The following PTPN14 variants were observed in gnomAD, a reference collection of about 807,000 sequenced individuals.
The protein encoded by PTPN14 is tyrosine-protein phosphatase non-receptor type 14.
Under a neutral mutation model 126.8 loss-of-function variants are expected in PTPN14, and 53 were observed. The ratio of observed to expected loss-of-function variants is 0.42; its 90% confidence interval spans 0.34 to 0.53. PTPN14 has a LOEUF of 0.53. PTPN14 is among the 20% of genes least tolerant of loss of function. The probability of loss-of-function intolerance (pLI) is 0.08; values close to 1 mark genes in which losing one functional copy is unlikely to be tolerated. For missense variants in PTPN14, 1,257 were observed against 1,552.9 expected (o/e 0.81, Z 3.20); for synonymous variants, 630 against 599.3 (o/e 1.05, Z -0.75).
At chr1:214,523,471 C>CT (rs761885915) in intron 1 of PTPN14, among the ~76,000 whole-genome samples, 4 of 152,204 alleles carry the variant, frequency 2.6e-5, no homozygotes, top group Non-Finnish European at 5.9e-5. Flanking sequence ...CAGTAACATG[C>CT]TATACAGGTC....
chr1:214,481,511 CAA>C (rs371949252), intron 1 of PTPN14, among the ~76,000 whole-genome samples: 3 of 67,456 alleles, frequency 4.4e-5, no homozygotes, highest in South Asian at 6.5e-4. Flanking sequence ...AACTCCCGCT[CAA>C]AAAAAAAAAA....
intron 17 of PTPN14, among the ~76,000 whole-genome samples, chr1:214,366,229 T>G (rs1558070600): frequency 6.6e-6 from 1 of 151,454 alleles, no homozygotes; most frequent in African/African-American, 2.4e-5. Context: ...ATAGAGGGAG[T>G]AGTTACTATT....
intron 7 of PTPN14, among the ~76,000 whole-genome samples, 161 bp downstream of exon 7, chr1:214,401,524 G>C (rs1411291438): frequency 1.3e-5 from 2 of 152,186 alleles, no homozygotes; most frequent in Non-Finnish European, 2.9e-5. Flanking sequence ...TCTTGGTTAA[G>C]AAAAAGCATT....
chr1:214,538,862 T>G (rs1320142682), intron 1 of PTPN14, among the ~76,000 whole-genome samples: 2 of 152,204 alleles, frequency 1.3e-5, no homozygotes, highest in African/African-American at 2.4e-5. Context: ...TATCTGAATT[T>G]TTCTTTGAAG....
intron 14 of PTPN14, among the ~76,000 whole-genome samples, chr1:214,377,027 A>G (rs143927818): frequency 1.3e-5 from 2 of 152,320 alleles, no homozygotes; most frequent in East Asian, 3.9e-4. Flanking sequence ...TCTGACAGCA[A>G]TTTCGGGAAC....
chr1:214,499,481 G>C (rs532133272), intron 1 of PTPN14, among the ~76,000 whole-genome samples: 6 of 152,220 alleles, frequency 3.9e-5, no homozygotes, highest in African/African-American at 1.4e-4. Flanking sequence ...GGAGGCTGCC[G>C]AGCAGGAGTG....
intron 1 of PTPN14, among the ~76,000 whole-genome samples, chr1:214,548,024 C>A (rs935011189): frequency 3.3e-5 from 5 of 152,172 alleles, no homozygotes; most frequent in African/African-American, 1.2e-4. Flanking sequence ...CATACAAGTC[C>A]TTGAACATAT....
intron 2 of PTPN14, among the ~76,000 whole-genome samples, chr1:214,457,032 C>A (rs184937515): frequency 3.3e-4 from 51 of 152,284 alleles, no homozygotes; most frequent in Non-Finnish European, 6.0e-4. Context: ...GAGTACCCCC[C>A]AAATCCCACA....
At chr1:214,518,222 A>G (rs1289606707) in intron 1 of PTPN14, among the ~76,000 whole-genome samples, 1 of 152,192 alleles carries the variant, frequency 6.6e-6, no homozygotes, top group East Asian at 1.9e-4. Flanking sequence ...GGGAAAACAC[A>G]TCATGTAAAA....
intron 7 of PTPN14, among the ~76,000 whole-genome samples, chr1:214,398,812 C>T (rs1658948930): frequency 6.6e-6 from 1 of 150,420 alleles, no homozygotes; most frequent in African/African-American, 2.5e-5. Context: ...TGTTGCCAGG[C>T]TGGGGTGCAG....
chr1:214,423,634 C>T (rs1027684409), intron 3 of PTPN14, among the ~76,000 whole-genome samples: 3 of 152,320 alleles, frequency 2.0e-5, no homozygotes, highest in African/African-American at 7.2e-5. Flanking sequence ...CCTACTCACC[C>T]CATGCTCTCT....
intron 1 of PTPN14, among the ~76,000 whole-genome samples, chr1:214,467,501 T>C (rs1010408330): frequency 1.3e-5 from 2 of 152,196 alleles, no homozygotes; most frequent in East Asian, 1.9e-4. Flanking sequence ...TCATTTGCAA[T>C]GCATAACTAG....
At chr1:214,449,227 C>T (rs79705260) in intron 3 of PTPN14, among the ~76,000 whole-genome samples, 2 of 151,746 alleles carry the variant, frequency 1.3e-5, no homozygotes, top group Admixed American at 6.6e-5. Flanking sequence ...AGGATGGTCT[C>T]GATCTCCTGA....
At position 214,401,789 on chromosome 1, in the gene PTPN14, A is replaced by C. The variant is rs1659024730; in HGVS notation, c.582-17T>G. ...AGGATTCCACTAAAATCAAAATAGCATCAAAGGAAGAAATGGTTAAGGGCA... is the reference window on the plus strand; with the variant it reads ...AGGATTCCACTAAAATCAAAATAGCCTCAAAGGAAGAAATGGTTAAGGGCA... On this transcript the variant is annotated splice_polypyrimidine_tract_variant and intron_variant, in intron 6 of 18. Transcript: ENST00000366956. The C allele has an allele frequency of 1.4e-5, 22 of 1,539,356 alleles. No homozygotes were observed. The highest frequency in any genetic ancestry group is 1.9e-5 in the Non-Finnish European group (21 of 1,115,116).
intron 3 of PTPN14, among the ~76,000 whole-genome samples, chr1:214,433,325 G>A (rs1191159480): frequency 6.6e-6 from 1 of 151,964 alleles, no homozygotes; most frequent in Non-Finnish European, 1.5e-5. Context: ...AGCAGAGGTG[G>A]AGCTTGAAGA....
chr1:214,515,014 G>T (rs762496900), intron 1 of PTPN14, among the ~76,000 whole-genome samples: 56 of 152,240 alleles, frequency 3.7e-4, no homozygotes, highest in Admixed American at 8.5e-4. Flanking sequence ...ATCCACTGCC[G>T]TGACCGAGCA....
chr1:214,509,333 T>C (rs146755319), intron 1 of PTPN14, among the ~76,000 whole-genome samples: 377 of 152,372 alleles, frequency 2.5e-3, no homozygotes, highest in African/African-American at 8.8e-3. Flanking sequence ...TTTCATGTTA[T>C]GGAAACAGCT....
chr1:214,365,083 C>T (rs973254137), intron 17 of PTPN14, among the ~76,000 whole-genome samples: 3 of 152,140 alleles, frequency 2.0e-5, no homozygotes, highest in African/African-American at 7.2e-5. Context: ...TTGAAACGCC[C>T]GCCTGTCAGA....
Position 214,498,343 on chromosome 1 carries a change from G to A in PTPN14, c.-154-33386C>T, listed in dbSNP as rs146563279. Reference sequence around the variant, plus strand: ...ACTGAGTACAGGCTCTGCTATCCCAGGTCAATAAGAGCTGGAATAATTGTG... The same window carrying A: ...ACTGAGTACAGGCTCTGCTATCCCAAGTCAATAAGAGCTGGAATAATTGTG... On this transcript the variant is annotated intron_variant, in intron 1 of 18. Transcript: ENST00000366956. 1.3e-3 allele frequency among the ~76,000 whole-genome samples: 192 copies of A among 152,204 alleles called. 2 individuals are homozygous for A. Among genetic ancestry groups the A allele is most frequent in the Middle Eastern group, 6.8e-3 (2 of 294 alleles).
Sources: gnomAD v4.1 joint callset for allele counts (sites outside exome capture counted in the v4.1 genomes callset) on GRCh38, gnomAD v4.1.1 for gene constraint, MANE v1.5 for transcripts, NCBI Gene and HGNC (gene_info 2026-07-23, HGNC 2026-07-21) for gene names.